The following KBTBD3 variants were observed in gnomAD, a reference collection of about 807,000 sequenced individuals.
The protein encoded by KBTBD3 is kelch repeat and BTB domain containing 3, also known as kelch repeat and BTB domain-containing protein 3.
In KBTBD3, 38 loss-of-function variants were observed where a neutral mutation model predicts 49.6. The ratio of observed to expected loss-of-function variants is 0.77; its 90% CI spans 0.59 to 1.00. The LOEUF (loss-of-function observed/expected upper bound fraction) is 1.00, where lower values mean the gene tolerates loss of function less well. Ranked by LOEUF, KBTBD3 falls within the 50% of genes least tolerant of loss-of-function variation. KBTBD3 has a pLI of 0.00. For synonymous variants in KBTBD3, 214 were observed against 250.4 expected, an observed-to-expected ratio of 0.85 and a Z score of 1.37; for missense variants, 661 against 712.0, an observed-to-expected ratio of 0.93 and a Z score of 0.81.
intron 2 of KBTBD3, among the ~76,000 whole-genome samples, chr11:106,063,315 T>C (rs1467560843): frequency 1.3e-5 from 2 of 152,254 alleles, no homozygotes; most frequent in African/African-American, 2.4e-5. Context: ...TCTACTTTGT[T>C]TCCATGTTCA....
intron 2 of KBTBD3, among the ~76,000 whole-genome samples, chr11:106,063,579 T>G (rs1860746605): frequency 6.6e-6 from 1 of 152,244 alleles, no homozygotes. Context: ...ATTATTTTCA[T>G]CATTTGTAAA....
intron 3 of KBTBD3, among the ~76,000 whole-genome samples, chr11:106,054,951 T>C (rs1487548891): frequency 2.6e-5 from 4 of 152,038 alleles, no homozygotes; most frequent in Admixed American, 6.6e-5. Context: ...AATGACTCTA[T>C]TGGGTGGGGA....
Position 106,059,059 on chromosome 11 carries a change from T to C in KBTBD3, c.39A>G (p.Gln13=), listed in dbSNP as rs747794261. 6.4e-7 allele frequency: 1 copy of C among 1,553,330 alleles called. No homozygotes were observed. The highest frequency in any genetic ancestry group is 8.6e-7 in the Non-Finnish European group (1 of 1,161,620). Residue 13 remains glutamine, a synonymous_variant, in exon 3 of 4, where the codon CAA becomes CAG. Coordinates refer to ENST00000531837, the MANE Select transcript of KBTBD3 (RefSeq NM_198439.3). ...LAMDNSYAFN[Q]RSTCNGIPSE... is the part of the protein sequence containing the mutation. ...ATGGAATTCCATTACATGTGCTTCG[T>C]TGATTGAAAGCATATGAATTATCCA...
In KBTBD3 at chr11:106,069,632, T is replaced by C. The variant is rs148176645; in HGVS notation, c.-13+6875A>G. 9.5e-3 allele frequency among the ~76,000 whole-genome samples: 1,446 copies of C among 151,822 alleles called. 24 individuals carry two copies. Among genetic ancestry groups the C allele is most frequent in the African/African-American group, 0.032 (1,344 of 41,438 alleles). On this transcript the variant is annotated intron_variant, in intron 2 of 3. Transcript: ENST00000531837. ...AAAAGAAGACTAAAATGGAAAGACA[T>C]GCCATGTCTGCAAATTGGAAAAGTC...
chr11:106,059,536 C>A (rs1860639072), intron 2 of KBTBD3, among the ~76,000 whole-genome samples: 1 of 152,144 alleles, frequency 6.6e-6, no homozygotes, highest in African/African-American at 2.4e-5. Context: ...TGTTAAAATG[C>A]TGATCTTGGA....
Position 106,054,470 on chromosome 11 carries a change from A to C in KBTBD3, c.234-15T>G. ...CAAACATAGCCCTGCAAAAATAAAG[A>C]ACACAGAAAAACAGCAAGAATATTT... is the stretch of plus-strand genomic sequence containing the variant. On this transcript the variant is annotated splice_polypyrimidine_tract_variant and intron_variant, in intron 3 of 3. Transcript: ENST00000531837. 6.8e-7 allele frequency: 1 copy of C among 1,473,900 alleles called. No individual in the cohort carries two copies. Among genetic ancestry groups the C allele is most frequent in the Non-Finnish European group, 9.0e-7 (1 of 1,109,766 alleles). The allele number at this position is 1,473,900 out of a possible 1,614,324, so 91.3% of individuals were successfully genotyped here.
chr11:106,072,127 T>C (rs555154277), intron 2 of KBTBD3, among the ~76,000 whole-genome samples: 2 of 152,308 alleles, frequency 1.3e-5, no homozygotes, highest in South Asian at 4.1e-4. Context: ...ATTTGAAGAA[T>C]GGATATCAGT....
intron 2 of KBTBD3, among the ~76,000 whole-genome samples, chr11:106,062,549 G>A (rs1183403077): frequency 6.6e-6 from 1 of 152,168 alleles, no homozygotes; most frequent in African/African-American, 2.4e-5. Context: ...CCAATGGCAG[G>A]AAAAGACTGA....
Position 106,054,308 on chromosome 11 carries a change from C to A in KBTBD3, c.381G>T (p.Gln127His), listed in dbSNP as rs758444436. The change falls in exon 4 of 4, where the codon CAG (glutamine) becomes CAT (histidine). Residue 127 changes from glutamine to histidine, a missense_variant. Coordinates refer to ENST00000531837, the MANE Select transcript of KBTBD3 (RefSeq NM_198439.3). ...ITDDNVEMFF[Q>H]LSSFLQVSFL... Reference sequence around the variant, plus strand: ...AGGAAACTTGAAGAAATGATGACAACTGGAAGAACATTTCCACATTATCAT... The same window carrying A: ...AGGAAACTTGAAGAAATGATGACAAATGGAAGAACATTTCCACATTATCAT... 4.3e-6 allele frequency: 7 copies of A among 1,613,324 alleles called. No individual in the cohort carries two copies. In the South Asian group the frequency reaches 7.7e-5, roughly 18 times the overall value.
intron 3 of KBTBD3, among the ~76,000 whole-genome samples, chr11:106,056,212 C>T (rs1860549674): frequency 6.6e-6 from 1 of 152,106 alleles, no homozygotes; most frequent in South Asian, 2.1e-4. Flanking sequence ...ATGTCTATTA[C>T]ATATGTACAT....
intron 2 of KBTBD3, among the ~76,000 whole-genome samples, chr11:106,059,934 T>C (rs145491244): frequency 2.6e-5 from 4 of 152,304 alleles, no homozygotes; most frequent in African/African-American, 9.6e-5. Context: ...ACCCTAAAAT[T>C]AGTGGCTTAA....
At chr11:106,056,967 T>C (rs1464693608) in intron 3 of KBTBD3, among the ~76,000 whole-genome samples, 3 of 151,978 alleles carry the variant, frequency 2.0e-5, no homozygotes, top group Admixed American at 6.6e-5. Flanking sequence ...CCAGGGAAGT[T>C]CAAAGAACAA....
Position 106,059,088 on chromosome 11 carries a change from C to A in KBTBD3, c.10G>T (p.Ala4Ser), listed in dbSNP as rs759499399. MELAMDNSYAFNQR... is the reference protein window; with the variant it reads MELSMDNSYAFNQR... ...TTGAAAGCATATGAATTATCCATAG[C>A]CAATTCCATATGTCCTTAGAACTAG... Residue 4 changes from alanine to serine, a missense_variant, in exon 3 of 4, where the codon GCT becomes TCT. Transcript: ENST00000531837. 1.3e-6 allele frequency: 2 copies of A among 1,543,926 alleles called. No individual in the cohort carries two copies. Among genetic ancestry groups the A allele is most frequent in the East Asian group, 2.4e-5 (1 of 41,886 alleles).
In KBTBD3 at chr11:106,058,848, T is replaced by G; in HGVS notation, c.233+17A>C. ...TATCCAAATCATAAAATCTGAGGCA[T>G]AGACAAGGTAAAGTACCTGAAAAAG... On this transcript the variant is annotated intron_variant, in intron 3 of 3. Transcript: ENST00000531837. 3 of 1,416,412 alleles carry G rather than the reference T, an allele frequency of 2.1e-6. No individual in the cohort carries two copies. The highest frequency in any genetic ancestry group is 2.9e-6 in the Non-Finnish European group (3 of 1,027,440). 87.7% of individuals were successfully genotyped at this position (1,416,412 alleles called of 1,614,324 possible).
In KBTBD3 at chr11:106,058,243, G is replaced by C. The variant is rs191152799; in HGVS notation, c.233+622C>G. On this transcript the variant is annotated intron_variant, in intron 3 of 3. Coordinates refer to ENST00000531837, the MANE Select transcript of KBTBD3 (RefSeq NM_198439.3). ...ACTAAAAATACAAAAAATTAGCCGG[G>C]TGTGGTGGCGGGCACTAGTCCCAGC... Among the ~76,000 whole-genome samples the C allele has an allele frequency of 7.3e-3, 1,106 of 151,980 alleles. 14 individuals are homozygous for C. The highest frequency in any genetic ancestry group is 0.025 in the African/African-American group (1,039 of 41,500).
intron 2 of KBTBD3, among the ~76,000 whole-genome samples, chr11:106,065,720 G>A (rs975770763): frequency 1.3e-5 from 2 of 152,066 alleles, no homozygotes; most frequent in African/African-American, 4.8e-5. Context: ...CAGCACTTTG[G>A]GGGGCTGAGG....
intron 2 of KBTBD3, among the ~76,000 whole-genome samples, chr11:106,062,209 T>C (rs548147480): frequency 2.0e-5 from 3 of 151,990 alleles, no homozygotes; most frequent in Admixed American, 6.6e-5. Flanking sequence ...GTGGGTATCA[T>C]GGAGGAAGAG....
chr11:106,076,315 A>G (rs1282710067), intron 2 of KBTBD3, 192 bp downstream of exon 2: 1 of 152,254 alleles, frequency 6.6e-6, no homozygotes, highest in African/African-American at 2.4e-5. Flanking sequence ...TATTAAGCCA[A>G]TAATTCGTTT....
intron 2 of KBTBD3, among the ~76,000 whole-genome samples, chr11:106,059,631 T>C (rs533904949): frequency 1.3e-5 from 2 of 152,346 alleles, no homozygotes; most frequent in African/African-American, 4.8e-5. Flanking sequence ...TAATTAGTTA[T>C]GGCTTTAGTG....
Sources: gnomAD v4.1 joint callset for allele counts (sites outside exome capture counted in the v4.1 genomes callset) on GRCh38, gnomAD v4.1.1 for gene constraint, MANE v1.5 for transcripts, NCBI Gene and HGNC (gene_info 2026-07-23, HGNC 2026-07-21) for gene names.